POF1B: variants seen among roughly 807,000 people sequenced by gnomAD.
POF1B encodes POF1B actin binding protein, also known as protein POF1B.
In POF1B, 53 loss-of-function variants were observed where a neutral mutation model predicts 55.3. That is an observed-to-expected ratio of 0.96 (90% CI 0.77 to 1.20). The LOEUF (loss-of-function observed/expected upper bound fraction) is 1.20, where lower values mean the gene tolerates loss of function less well. POF1B is among the 50% of genes most tolerant of loss of function. POF1B has a pLI of 0.00. For missense variants in POF1B, 478 were observed against 420.5 expected, an observed-to-expected ratio of 1.14 and a Z score of -1.20; for synonymous variants, 188 against 148.3, an observed-to-expected ratio of 1.27 and a Z score of -1.95.
At chrX:85,309,370 G>C (rs1335963460) in intron 9 of POF1B, among the ~76,000 whole-genome samples, 1 of 106,076 alleles carries the variant, frequency 9.4e-6, no homozygotes, top group African/African-American at 3.4e-5. Context: ...AAAAAAAAAA[G>C]AAAGAAAAAA....
chrX:85,372,059 T>C lies in POF1B; in HGVS notation c.283-4293A>G, dbSNP rs752610562. On this transcript the variant is annotated intron_variant, in intron 2 of 16. Transcript: ENST00000262753. ...TAAGTAGAGTCTGGTGAAAAAGAAT[T>C]TGGGGCCGGGCGTGGTGGCTCACGC... Among the ~76,000 whole-genome samples the C allele has an allele frequency of 3.6e-5, 4 of 111,566 alleles. No homozygotes were observed. The East Asian group carries it at 8.5e-4, about 24-fold the overall frequency.
At chrX:85,310,805 T>C in intron 9 of POF1B, among the ~76,000 whole-genome samples, 1 of 112,093 alleles carries the variant, frequency 8.9e-6, no homozygotes, top group Non-Finnish European at 1.9e-5. Context: ...AGAGTCAAAC[T>C]TCTTAAAACT....
chrX:85,279,464 C>G (rs1241217719), intron 16 of POF1B, 38 bp from the exon 17 acceptor site: 1 of 1,143,993 alleles, frequency 8.7e-7, no homozygotes, highest in Non-Finnish European at 1.2e-6. Context: ...ACAACTGGTT[C>G]ATAATTAAAG....
intron 9 of POF1B, among the ~76,000 whole-genome samples, chrX:85,310,926 A>G (rs905453579): frequency 8.9e-6 from 1 of 112,149 alleles, no homozygotes; most frequent in Non-Finnish European, 1.9e-5. Flanking sequence ...AGAAGGAACT[A>G]GGATACTATT....
chrX:85,299,798 G>A (rs931108828), intron 15 of POF1B, among the ~76,000 whole-genome samples: 48 of 112,112 alleles, frequency 4.3e-4, no homozygotes, highest in Admixed American at 4.1e-3. Flanking sequence ...GTGAGCCACC[G>A]CGCCCGACCC....
At chrX:85,285,549 G>A (rs1261984630) in intron 15 of POF1B, among the ~76,000 whole-genome samples, 1 of 107,064 alleles carries the variant, frequency 9.3e-6, no homozygotes, top group African/African-American at 3.4e-5. Flanking sequence ...ACTACCGCAA[G>A]GACAGAAAAC....
intron 15 of POF1B, among the ~76,000 whole-genome samples, chrX:85,283,639 C>A (rs1484520924): frequency 9.1e-6 from 1 of 109,823 alleles, no homozygotes; most frequent in Non-Finnish European, 1.9e-5. Context: ...AAATAATTGA[C>A]ATAATGACCA....
rs1449325294 is a variant in POF1B at position 85,346,004 on chromosome X, G to C, written c.579C>G (p.Ile193Met). 1 of 1,199,635 alleles carries C rather than the reference G, an allele frequency of 8.3e-7. No individual in the cohort carries two copies. Among genetic ancestry groups the C allele is most frequent in the East Asian group, 3.0e-5 (1 of 33,436 alleles). ...CAGAGTGGATGACCTGGGGCTGTTG[G>C]ATAATGTGATGATGGCATTGAGCCT... The part of the protein sequence containing the change: ...HPQAQCHHHI[I>M]QQPQVIHSAH... The change falls in exon 6 of 17, where the codon ATC becomes ATG. Residue 193 changes from isoleucine (I) to methionine (M), a missense_variant. Transcript: ENST00000262753.
At chrX:85,333,393 A>G (rs1933012466) in intron 6 of POF1B, among the ~76,000 whole-genome samples, 1 of 111,475 alleles carries the variant, frequency 9.0e-6, no homozygotes, top group Admixed American at 9.6e-5. Context: ...TTTTTACCAC[A>G]AAAGAAATAA....
rs1932815992 is a variant in POF1B at position 85,319,483 on chromosome X, A to G, written c.855-3749T>C. The stretch of plus-strand genomic sequence containing the variant: ...GAATGCTTCTATCTTTTGCCCATTT[A>G]GTATGATGTTGCCTAAGGGCTTGTA... On this transcript the variant is annotated intron_variant, in intron 7 of 16. Transcript: ENST00000262753. Among the ~76,000 whole-genome samples, 3 of 111,406 alleles carry G rather than the reference A, an allele frequency of 2.7e-5. No homozygotes were observed. In the South Asian group the frequency reaches 1.1e-3, roughly 41 times the overall value.
At chrX:85,300,652 G>A (rs1932424839) in intron 15 of POF1B, among the ~76,000 whole-genome samples, 1 of 111,410 alleles carries the variant, frequency 9.0e-6, no homozygotes, top group Non-Finnish European at 1.9e-5. Context: ...AAAATTATAA[G>A]ACATGCAAAG....
At chrX:85,329,432 C>T (rs1932940835) in intron 7 of POF1B, among the ~76,000 whole-genome samples, 1 of 110,665 alleles carries the variant, frequency 9.0e-6, no homozygotes, top group Non-Finnish European at 1.9e-5. Flanking sequence ...ATAAATGGCT[C>T]TGCTTTTCTC....
intron 8 of POF1B, 57 bp from the exon 9 acceptor site, chrX:85,314,563 A>G: frequency 1.1e-6 from 1 of 895,116 alleles, no homozygotes; most frequent in East Asian, 3.5e-5. Context: ...TAAGATCAGC[A>G]ATCCACAGAC....
intron 9 of POF1B, among the ~76,000 whole-genome samples, chrX:85,310,078 T>G (rs1324214871): frequency 8.9e-6 from 1 of 111,743 alleles, no homozygotes; most frequent in African/African-American, 3.3e-5. Flanking sequence ...TGGCCAGGTC[T>G]CCCATCCAAG....
chrX:85,322,523 C>G (rs997260474), intron 7 of POF1B, among the ~76,000 whole-genome samples: 45 of 111,878 alleles, frequency 4.0e-4, no homozygotes, highest in African/African-American at 1.3e-3. Context: ...CCATTCAGGA[C>G]CTAGGCATGG....
chrX:85,307,513 C>A (rs1932603514), intron 10 of POF1B, among the ~76,000 whole-genome samples: 1 of 111,171 alleles, frequency 9.0e-6, no homozygotes, highest in South Asian at 3.7e-4. Flanking sequence ...GAAGCACAAC[C>A]CTCTGAAATG....
In POF1B at chrX:85,306,188, C is replaced by T; in HGVS notation, c.1310G>A (p.Arg437Lys). ...RNLEQENQNL[R>K]MQVSETCTGP... ...AAAAGGAAGTTTTAATACCTGCATT[C>T]TAAGGTTTTGATTCTCTTGCTCTAA... The change falls in exon 12 of 17, where the codon AGA (arginine) becomes AAA (lysine). Residue 437 changes from arginine to lysine, a missense_variant. Physicochemically the swap from Arg to Lys is conservative, Grantham distance 26 (BLOSUM62 2). Transcript: ENST00000262753. The T allele has an allele frequency of 6.7e-6, 8 of 1,197,666 alleles. No individual in the cohort carries two copies. The highest frequency in any genetic ancestry group is 9.0e-6 in the Non-Finnish European group (8 of 885,773).
At chrX:85,301,364 A>G (rs1435551424) in intron 15 of POF1B, among the ~76,000 whole-genome samples, 1 of 112,135 alleles carries the variant, frequency 8.9e-6, no homozygotes, top group African/African-American at 3.2e-5. Context: ...TAACAAAAAA[A>G]CACTGTCAGC....
At position 85,282,298 on chromosome X, in the gene POF1B, T is replaced by C; in HGVS notation, c.1669A>G (p.Ile557Val). ...TAGTCATCATATAGGAGGCCTAGGA[T>C]TGGATATTGTGTCCTGTACCTGTTG... ...TTKKYRTQYPILGLLYDDYEY... is the reference protein window; with the variant it reads ...TTKKYRTQYPVLGLLYDDYEY... Residue 557 changes from isoleucine (I) to valine (V), a missense_variant, in exon 16 of 17, where the codon ATC becomes GTC. By Grantham distance (29) the Ile-to-Val change is conservative. Coordinates refer to ENST00000262753, the MANE Select transcript of POF1B (RefSeq NM_024921.4). 4 of 1,168,119 alleles carry C rather than the reference T, an allele frequency of 3.4e-6. No homozygotes were observed. The East Asian group carries it at 9.3e-5, about 27-fold the overall frequency.
Sources: gnomAD v4.1 joint callset for allele counts (sites outside exome capture counted in the v4.1 genomes callset) on GRCh38, gnomAD v4.1.1 for gene constraint, MANE v1.5 for transcripts, NCBI Gene and HGNC (gene_info 2026-07-23, HGNC 2026-07-21) for gene names.